FYTTD1: variants seen among roughly 807,000 people sequenced by gnomAD.
The protein encoded by FYTTD1 is forty-two-three domain containing 1, also known as UAP56-interacting factor.
FYTTD1 carries 22 observed loss-of-function variants against 40.9 expected under a neutral mutation model. The ratio of observed to expected loss-of-function variants is 0.54; its 90% CI spans 0.38 to 0.77. The LOEUF (loss-of-function observed/expected upper bound fraction) is 0.77, where lower values mean the gene tolerates loss of function less well. FYTTD1 is among the 30% of genes least tolerant of loss of function. FYTTD1 has a pLI of 0.00. For synonymous variants in FYTTD1, 140 were observed against 137.9 expected (o/e 1.01, Z -0.10); for missense variants, 351 against 392.2 (o/e 0.90, Z 0.89).
intron 2 of FYTTD1, among the ~76,000 whole-genome samples, chr3:197,767,209 G>A (rs1357055808): frequency 6.6e-6 from 1 of 151,940 alleles, no homozygotes; most frequent in Non-Finnish European, 1.5e-5. Flanking sequence ...GCACGATCTC[G>A]GCTCACTGCA....
In FYTTD1 at chr3:197,756,543, T is replaced by A; in HGVS notation, c.221T>A (p.Ile74Asn). 6.2e-7 allele frequency: 1 copy of A among 1,613,790 alleles called. No individual in the cohort carries two copies. The highest frequency in any genetic ancestry group is 2.2e-5 in the East Asian group (1 of 44,850). ...QQFRMRVRWG[I>N]QQNSGFGKTS... ...TTCAGGATGAGAGTGCGATGGGGAATCCAACAGAATTCTGGTAAGTTTTGA... is the reference window on the plus strand; with the variant it reads ...TTCAGGATGAGAGTGCGATGGGGAAACCAACAGAATTCTGGTAAGTTTTGA... The change falls in exon 2 of 9, where the codon ATC (isoleucine) becomes AAC (asparagine). Residue 74 changes from isoleucine (I) to asparagine (N), a missense_variant. Transcript: ENST00000241502.
At chr3:197,759,927 G>A (rs1729326316) in intron 2 of FYTTD1, among the ~76,000 whole-genome samples, 1 of 151,248 alleles carries the variant, frequency 6.6e-6, no homozygotes, top group Admixed American at 6.6e-5. Flanking sequence ...TGTATAGAGT[G>A]TTCTTCAGTG....
rs1471457152 is a variant in FYTTD1 at position 197,783,214 on chromosome 3, G to C, written c.*1305G>C. Reference sequence around the variant, plus strand: ...AAATTACAGTATAATGCCAAATGCAGCAAAATCTTCCAGCTGTACGTTACA... The same window carrying C: ...AAATTACAGTATAATGCCAAATGCACCAAAATCTTCCAGCTGTACGTTACA... On this transcript the variant is annotated 3_prime_UTR_variant, in exon 9 of 9. Transcript: ENST00000241502. 6.6e-6 allele frequency: 1 copy of C among 152,618 alleles called. No individual in the cohort carries two copies. Among genetic ancestry groups the C allele is most frequent in the Admixed American group, 6.5e-5 (1 of 15,278 alleles). 9.5% of individuals were successfully genotyped at this position (152,618 alleles called of 1,614,324 possible). A position where few individuals can be genotyped will look rare whatever the true frequency, so the allele number is the denominator to read the frequency against.
At chr3:197,760,084 A>G (rs1729333269) in intron 2 of FYTTD1, among the ~76,000 whole-genome samples, 1 of 151,764 alleles carries the variant, frequency 6.6e-6, no homozygotes, top group Non-Finnish European at 1.5e-5. Context: ...GGTAGAACGT[A>G]TAGAATGTTC....
Position 197,786,541 on chromosome 3 carries a change from G to A in FYTTD1, c.*4632G>A, listed in dbSNP as rs1316827209. 1 of 152,126 alleles carries A rather than the reference G, an allele frequency of 6.6e-6. No individual in the cohort carries two copies. The highest frequency in any genetic ancestry group is 1.5e-5 in the Non-Finnish European group (1 of 68,032). The allele number at this position is 152,126 out of a possible 1,614,324, so 9.4% of individuals were successfully genotyped here. A position where few individuals can be genotyped will look rare whatever the true frequency, so the allele number is the denominator to read the frequency against. ...GAGGTATACCAGTGTTTAAAGATTAGTTGGAAGTTATTCTCCTAGTGTGCA... is the reference window on the plus strand; with the variant it reads ...GAGGTATACCAGTGTTTAAAGATTAATTGGAAGTTATTCTCCTAGTGTGCA... On this transcript the variant is annotated 3_prime_UTR_variant, in exon 9 of 9. Coordinates refer to ENST00000241502, the MANE Select transcript of FYTTD1 (RefSeq NM_032288.7).
intron 1 of FYTTD1, among the ~76,000 whole-genome samples, chr3:197,754,256 T>C (rs1259657401): frequency 6.6e-6 from 1 of 152,178 alleles, no homozygotes; most frequent in African/African-American, 2.4e-5. Context: ...AGATACATGT[T>C]TATATATCTG....
At chr3:197,749,878 C>T (rs1437225121), upstream of FYTTD1, 3 of 776,030 alleles carry the variant, frequency 3.9e-6, no homozygotes, top group Non-Finnish European at 1.9e-6. Context: ...CGTGCGCGCT[C>T]CCTCGGTGCG....
rs1729834585 is a variant in FYTTD1, at chr3:197,774,982, C to T, written c.656+772C>T. ...TTTCCCCAAAAACCTTTTGAGTTTTCATGTGTCGATATTGTAACAGTTTTA... is the reference window on the plus strand; with the variant it reads ...TTTCCCCAAAAACCTTTTGAGTTTTTATGTGTCGATATTGTAACAGTTTTA... On this transcript the variant is annotated intron_variant, in intron 6 of 8. Transcript: ENST00000241502. Among the ~76,000 whole-genome samples the T allele has an allele frequency of 2.0e-5, 3 of 152,358 alleles. No individual in the cohort carries two copies. The South Asian group carries it at 6.2e-4, about 32-fold the overall frequency.
intron 2 of FYTTD1, among the ~76,000 whole-genome samples, chr3:197,762,317 C>T (rs1430178661): frequency 1.4e-5 from 2 of 145,354 alleles, no homozygotes; most frequent in African/African-American, 5.7e-5. Context: ...TGAGGCCAGG[C>T]GCGGTGCTCA....
intron 2 of FYTTD1, among the ~76,000 whole-genome samples, chr3:197,766,604 G>A (rs1198414579): frequency 6.6e-6 from 1 of 151,816 alleles, no homozygotes; most frequent in Non-Finnish European, 1.5e-5. Context: ...CACTGCACCT[G>A]GCTAATTTTT....
chr3:197,775,839 G>A (rs966033577), intron 6 of FYTTD1, among the ~76,000 whole-genome samples: 4 of 152,182 alleles, frequency 2.6e-5, no homozygotes, highest in Non-Finnish European at 5.9e-5. Context: ...TTACATAATT[G>A]TGATCATATA....
chr3:197,755,768 G>T, intron 1 of FYTTD1: 2 of 1,548,500 alleles, frequency 1.3e-6, no homozygotes, highest in Non-Finnish European at 1.7e-6. Flanking sequence ...GATTATAGGT[G>T]TGAGTCACCA....
chr3:197,754,596 CTT>C (rs2109035702), intron 1 of FYTTD1, among the ~76,000 whole-genome samples: 1 of 148,664 alleles, frequency 6.7e-6, no homozygotes, highest in South Asian at 2.1e-4. Context: ...GTTTTATTTG[CTT>C]TCTCAATTAT....
At chr3:197,766,420 G>A (rs1233967196) in intron 2 of FYTTD1, among the ~76,000 whole-genome samples, 3 of 38,630 alleles carry the variant, frequency 7.8e-5, no homozygotes, top group African/African-American at 1.9e-4. Context: ...TGTGTGTCGT[G>A]TTTGAGACTG....
At chr3:197,749,807 C>G (rs1451630846), upstream of FYTTD1, 4 of 473,172 alleles carry the variant, frequency 8.5e-6, no homozygotes, top group Admixed American at 4.1e-5. Context: ...TGGTCGCCCG[C>G]GAGTGTCGGT....
rs747154398 is a variant in FYTTD1 at position 197,750,052 on chromosome 3, C to T, written c.81C>T (p.Leu27=). The part of the protein sequence containing the change: ...PPPKARSNEN[L]DKIDMSLDDI... ...CGAAGGCCCGCAGCAATGAAAACCT[C>T]GACAAAATAGATATGTCTTTGGGTG... The change falls in exon 1 of 9, where the codon CTC becomes CTT. Residue 27 remains leucine (L), a synonymous_variant. Transcript: ENST00000241502. 7 of 1,581,262 alleles carry T rather than the reference C, an allele frequency of 4.4e-6. No homozygotes were observed. The highest frequency in any genetic ancestry group is 1.4e-5 in the African/African-American group (1 of 71,862).
intron 2 of FYTTD1, among the ~76,000 whole-genome samples, chr3:197,759,401 T>C (rs1416855558): frequency 6.6e-6 from 1 of 150,950 alleles, no homozygotes; most frequent in Non-Finnish European, 1.5e-5. Context: ...ACGTATAGAG[T>C]TGTTCTTCAG....
At chr3:197,759,121 A>G (rs1729291970) in intron 2 of FYTTD1, among the ~76,000 whole-genome samples, 1 of 151,122 alleles carries the variant, frequency 6.6e-6, no homozygotes, top group African/African-American at 2.4e-5. Flanking sequence ...TAGAATGTAT[A>G]GAGTGTTCTT....
At chr3:197,780,280 G>T (rs943193055) in intron 8 of FYTTD1, among the ~76,000 whole-genome samples, 2 of 152,176 alleles carry the variant, frequency 1.3e-5, no homozygotes, top group Admixed American at 1.3e-4. Context: ...ACATTGCCCA[G>T]GCTGGTCTTG....
Sources: allele counts gnomAD v4.1 joint callset (sites outside exome capture counted in the v4.1 genomes callset), GRCh38; gene constraint gnomAD v4.1.1; transcripts MANE v1.5; gene names NCBI Gene and HGNC (gene_info 2026-07-23, HGNC 2026-07-21).